CORO1B: variants seen among roughly 807,000 people sequenced by gnomAD.
CORO1B encodes coronin 1B.
In CORO1B, 30 loss-of-function variants were observed where a neutral mutation model predicts 51.1. The ratio of observed to expected loss-of-function variants is 0.59; its 90% confidence interval spans 0.44 to 0.80. The LOEUF (loss-of-function observed/expected upper bound fraction) is 0.80, where lower values mean the gene tolerates loss of function less well. Ranked by LOEUF, CORO1B falls within the 30% of genes least tolerant of loss-of-function variation. CORO1B has a pLI of 0.00. For synonymous variants in CORO1B, 310 were observed against 289.7 expected (o/e 1.07, Z -0.71); for missense variants, 648 against 700.4 (o/e 0.93, Z 0.84).
At position 67,438,406 on chromosome 11, in the gene CORO1B, C is replaced by T. The variant is rs1260583197; in HGVS notation, c.1440G>A (p.Gln480=). The part of the protein sequence containing the change: ...QGDRICRLEE[Q]LGRMENGDA ...CATCCCCGTTCTCCATGCGGCCCAG[C>T]TGCTCCTCCAGGCGGCAGATGCGGT... The change falls in exon 11 of 11, where the codon CAG becomes CAA. Residue 480 remains glutamine, a synonymous_variant. Coordinates refer to ENST00000341356, the MANE Select transcript of CORO1B (RefSeq NM_020441.3). The T allele has an allele frequency of 1.9e-6, 3 of 1,609,356 alleles. No homozygotes were observed. Among genetic ancestry groups the T allele is most frequent in the Middle Eastern group, 1.7e-4 (1 of 6,048 alleles).
intron 1 of CORO1B, 97 bp from the exon 2 acceptor site, chr11:67,442,727 C>A: frequency 7.9e-7 from 1 of 1,266,846 alleles, no homozygotes; most frequent in Non-Finnish European, 1.1e-6. Context: ...CAACCGGGGG[C>A]CAGGCCACCG....
At position 67,438,411 on chromosome 11, in the gene CORO1B, C is replaced by G. The variant is rs775522312; in HGVS notation, c.1435G>C (p.Glu479Gln). The G allele has an allele frequency of 6.2e-6, 10 of 1,610,342 alleles. No homozygotes were observed. Among genetic ancestry groups the G allele is most frequent in the South Asian group, 3.3e-5 (3 of 91,000 alleles). ...EQGDRICRLEEQLGRMENGDA is the reference protein window; with the variant it reads ...EQGDRICRLEQQLGRMENGDA ...CCGTTCTCCATGCGGCCCAGCTGCT[C>G]CTCCAGGCGGCAGATGCGGTCGCCC... is the stretch of plus-strand genomic sequence containing the variant. Residue 479 changes from glutamate to glutamine, a missense_variant, in exon 11 of 11, where the codon GAG (glutamate) becomes CAG (glutamine). Transcript: ENST00000341356.
At position 67,438,838 on chromosome 11, in the gene CORO1B, G is replaced by T. The variant is rs758069521; in HGVS notation, c.1177C>A (p.Arg393=). 1 of 1,609,326 alleles carries T rather than the reference G, an allele frequency of 6.2e-7. No individual in the cohort carries two copies. Residue 393 remains arginine (R), a synonymous_variant, in exon 10 of 11, where the codon CGG becomes AGG. Transcript: ENST00000341356. ...RDADPILISL[R]EAYVPSKQRD... ...TGCTTGCTGGGCACGTAGGCCTCCC[G>T]CAGTGAGATGAGGATCGGGTCGGCA...
At chr11:67,440,755 T>C (rs1864378131) in intron 6 of CORO1B, 3 of 638,726 alleles carry the variant, frequency 4.7e-6, no homozygotes, top group East Asian at 3.2e-5. Flanking sequence ...CAAGGTGCCC[T>C]GGAGGTCACT....
rs757283900 is a variant in CORO1B at position 67,441,727 on chromosome 11, G to A, written c.454+6C>T. ...GGGGGAGCACAAAACGGGGGGCGGT[G>A]CAGACCTGCACTGAGCAGCACGTTT... On this transcript the variant is annotated splice_donor_region_variant and intron_variant, in intron 4 of 10. Coordinates refer to ENST00000341356, the MANE Select transcript of CORO1B (RefSeq NM_020441.3). 98 of 1,605,780 alleles carry A rather than the reference G, an allele frequency of 6.1e-5. No individual in the cohort carries two copies. The highest frequency in any genetic ancestry group is 7.9e-5 in the Non-Finnish European group (93 of 1,177,054).
At chr11:67,440,016 G>A in intron 8 of CORO1B, 102 bp downstream of exon 8, 1 of 1,508,638 alleles carries the variant, frequency 6.6e-7, no homozygotes, top group Non-Finnish European at 8.9e-7. Flanking sequence ...TGGCCCGCCG[G>A]GCCTCCCTGG....
chr11:67,441,876 AG>A lies in CORO1B; in HGVS notation c.325-15del. On this transcript the variant is annotated splice_polypyrimidine_tract_variant and intron_variant, in intron 3 of 10. Coordinates refer to ENST00000341356, the MANE Select transcript of CORO1B (RefSeq NM_020441.3). ...GATCTGCCACACCTGTGGTAGGGAC[AG>A]GGCCACCGAGCTCAGTCCTCTGCTG... is the stretch of plus-strand genomic sequence containing the variant. 8 of 1,613,114 alleles carry A rather than the reference AG, an allele frequency of 5.0e-6. No individual in the cohort carries two copies. The highest frequency in any genetic ancestry group is 1.1e-5 in the South Asian group (1 of 91,084).
rs1473192632 is a variant in CORO1B at position 67,437,355 on chromosome 11, C to T, written c.*1021G>A. The stretch of plus-strand genomic sequence containing the variant: ...CCCAGGCTCCAGGAATGCAAGTTCC[C>T]GCTCACAGGAAGACCAGGTAAGGGC... On this transcript the variant is annotated 3_prime_UTR_variant, in exon 11 of 11. Coordinates refer to ENST00000341356, the MANE Select transcript of CORO1B (RefSeq NM_020441.3). 5 of 388,486 alleles carry T rather than the reference C, an allele frequency of 1.3e-5. No individual in the cohort carries two copies. The highest frequency in any genetic ancestry group is 2.1e-5 in the African/African-American group (1 of 48,266). The allele number at this position is 388,486 out of a possible 1,614,324, so 24.1% of individuals were successfully genotyped here.
chr11:67,438,480 C>T lies in CORO1B; in HGVS notation c.1366G>A (p.Val456Met), dbSNP rs776871409. The part of the protein sequence containing the change: ...RAGEAGKLEE[V>M]MQELRALRAL... ...CTCAGGGCCCGCAGCTCCTGCATCACCTCCTCCAGCTTCCCAGCCTCCTGT... is the reference window on the plus strand; with the variant it reads ...CTCAGGGCCCGCAGCTCCTGCATCATCTCCTCCAGCTTCCCAGCCTCCTGT... The change falls in exon 11 of 11, where the codon GTG (valine) becomes ATG (methionine). Residue 456 changes from valine (V) to methionine (M), a missense_variant. Physicochemically the swap from Val to Met is conservative, Grantham distance 21. Coordinates refer to ENST00000341356, the MANE Select transcript of CORO1B (RefSeq NM_020441.3). The T allele has an allele frequency of 1.5e-5, 24 of 1,609,406 alleles. No individual in the cohort carries two copies. The highest frequency in any genetic ancestry group is 1.3e-5 in the African/African-American group (1 of 74,998).
chr11:67,438,915 G>A lies in CORO1B; in HGVS notation c.1100C>T (p.Thr367Ile). 8 of 1,609,450 alleles carry A rather than the reference G, an allele frequency of 5.0e-6. No homozygotes were observed. The highest frequency in any genetic ancestry group is 6.8e-6 in the Non-Finnish European group (8 of 1,179,078). ...DLFQDDLYPD[T>I]AGPEAALEAE... ...CTCCAGGGCTGCCTCGGGCCCGGCT[G>A]TGTCGGGGTACAGATCATCCTGGAA... Residue 367 changes from threonine to isoleucine, a missense_variant, in exon 10 of 11, where the codon ACA becomes ATA. By Grantham distance (89) the Thr-to-Ile change is moderately conservative (BLOSUM62 -1). Coordinates refer to ENST00000341356, the MANE Select transcript of CORO1B (RefSeq NM_020441.3).
Position 67,439,854 on chromosome 11 carries a change from A to G in CORO1B, c.1008-11T>C. On this transcript the variant is annotated splice_polypyrimidine_tract_variant and intron_variant, in intron 8 of 10. Coordinates refer to ENST00000341356, the MANE Select transcript of CORO1B (RefSeq NM_020441.3). ...TGCAGTTTGTAGAACCTGGGGATGC[A>G]AGGAGGAGCCACGGGTGGAACCCTC... is the stretch of plus-strand genomic sequence containing the variant. 4.5e-6 allele frequency: 7 copies of G among 1,569,516 alleles called. No individual in the cohort carries two copies. The highest frequency in any genetic ancestry group is 6.0e-6 in the Non-Finnish European group (7 of 1,157,414).
In CORO1B at chr11:67,441,513, G is replaced by C; in HGVS notation, c.456C>G (p.Gly152=). The part of the protein sequence containing the change: ...PTARNVLLSA[G]CDNVVLIWNV... ...TCCAGATGAGTACCACGTTGTCGCAGCCTGGCAGGTGAGGGTTGTCAGCTC... is the reference window on the plus strand; with the variant it reads ...TCCAGATGAGTACCACGTTGTCGCACCCTGGCAGGTGAGGGTTGTCAGCTC... Residue 152 remains glycine (G), a splice_region_variant and synonymous_variant, in exon 5 of 11, where the codon GGC becomes GGG. Transcript: ENST00000341356. 1 of 1,610,844 alleles carries C rather than the reference G, an allele frequency of 6.2e-7. No homozygotes were observed. Among genetic ancestry groups the C allele is most frequent in the South Asian group, 1.1e-5 (1 of 90,962 alleles).
chr11:67,441,699 G>GC, intron 4 of CORO1B, 34 bp downstream of exon 4: 1 of 1,498,278 alleles, frequency 6.7e-7, no homozygotes, highest in African/African-American at 1.4e-5. Context: ...GGGTCCGTGG[G>GC]GGGGGGGAGC....
At chr11:67,443,546 C>G, upstream of CORO1B, 1 of 772,516 alleles carries the variant, frequency 1.3e-6, no homozygotes, top group Non-Finnish European at 1.6e-6. Flanking sequence ...GGGGCGGGGC[C>G]GAGGTCACGC....
chr11:67,441,596 C>G (rs776949695), intron 4 of CORO1B, 82 bp from the exon 5 acceptor site: 11 of 1,558,190 alleles, frequency 7.1e-6, no homozygotes, highest in Middle Eastern at 1.7e-4. Context: ...ACTCTGCCCA[C>G]CACCCTGGGA....
chr11:67,441,240 C>T lies in CORO1B; in HGVS notation c.641G>A (p.Arg214Gln), dbSNP rs563944593. Residue 214 changes from arginine (R) to glutamine (Q), a missense_variant, in exon 6 of 11, where the codon CGG (arginine) becomes CAG (glutamine). Coordinates refer to ENST00000341356, the MANE Select transcript of CORO1B (RefSeq NM_020441.3). ...DPRRGTLVAE[R>Q]EKAHEGARPM... ...CCGGGCCCCCTCATGAGCCTTCTCC[C>T]GCTCCTGTCGGGGGGACAGGCTGGT... 1.4e-5 allele frequency: 23 copies of T among 1,613,068 alleles called. No individual in the cohort carries two copies. The African/African-American group carries it at 1.5e-4, about 10-fold the overall frequency.
chr11:67,438,877 C>G lies in CORO1B; in HGVS notation c.1138G>C (p.Val380Leu), dbSNP rs1864343270. ...PEAALEAEEW[V>L]SGRDADPILI... ...ATCGGGTCGGCATCCCGCCCGCTCA[C>G]CCACTCCTCAGCCTCCAGGGCTGCC... Residue 380 changes from valine to leucine, a missense_variant, in exon 10 of 11, where the codon GTG (valine) becomes CTG (leucine). Val to Leu is a conservative substitution (Grantham distance 32). Transcript: ENST00000341356. The G allele has an allele frequency of 1.9e-6, 3 of 1,608,714 alleles. No individual in the cohort carries two copies. Among genetic ancestry groups the G allele is most frequent in the Middle Eastern group, 3.3e-4 (2 of 6,046 alleles).
At chr11:67,440,894 A>G (rs531595901) in intron 6 of CORO1B, 1 of 666,698 alleles carries the variant, frequency 1.5e-6, no homozygotes, top group East Asian at 2.7e-5. Context: ...TTCCGTTGGC[A>G]TGAACAACAT....
chr11:67,443,590 G>T (rs1490943538), upstream of CORO1B: 13 of 688,168 alleles, frequency 1.9e-5, no homozygotes, highest in Non-Finnish European at 2.3e-5. Context: ...GAGCGGCGCC[G>T]GGGGGCCGGG....
Sources: gnomAD v4.1 joint callset for allele counts on GRCh38, gnomAD v4.1.1 for gene constraint, MANE v1.5 for transcripts, NCBI Gene and HGNC (gene_info 2026-07-23, HGNC 2026-07-21) for gene names.